SYT9: variants seen among roughly 807,000 people sequenced by gnomAD.
SYT9 encodes the protein synaptotagmin-9.
SYT9 carries 22 observed loss-of-function variants against 48.4 expected under a neutral mutation model. The ratio of observed to expected loss-of-function variants is 0.45; its 90% confidence interval spans 0.32 to 0.65. The LOEUF is 0.65. SYT9 is among the 30% of genes least tolerant of loss of function. The pLI is 0.03. For missense variants in SYT9, 577 were observed against 622.0 expected (o/e 0.93, Z 0.77); for synonymous variants, 265 against 245.0 (o/e 1.08, Z -0.76).
At chr11:7,358,799 T>C (rs902283385) in intron 3 of SYT9, among the ~76,000 whole-genome samples, 1 of 152,140 alleles carries the variant, frequency 6.6e-6, no homozygotes, top group African/African-American at 2.4e-5. Flanking sequence ...TTTGTCATGA[T>C]TTATTATTTT....
intron 6 of SYT9, among the ~76,000 whole-genome samples, chr11:7,464,402 A>G (rs1164734417): frequency 6.6e-6 from 1 of 152,232 alleles, no homozygotes; most frequent in Non-Finnish European, 1.5e-5. Context: ...GGGAATTGAC[A>G]TAATTGCTAA....
intron 6 of SYT9, among the ~76,000 whole-genome samples, chr11:7,424,613 G>A (rs1291198182): frequency 2.0e-5 from 3 of 152,156 alleles, no homozygotes; most frequent in East Asian, 1.9e-4. Context: ...GTGGGAAGAC[G>A]AGACACAGAC....
chr11:7,395,075 G>C (rs1017117920), intron 3 of SYT9, among the ~76,000 whole-genome samples: 59 of 151,918 alleles, frequency 3.9e-4, no homozygotes, highest in African/African-American at 1.4e-3. Context: ...ACATCAGTAG[G>C]TTCTTTAGTG....
At chr11:7,432,567 AAAAAAAAAAAAAAAAATATATATACAT>A (rs1847606413) in intron 6 of SYT9, among the ~76,000 whole-genome samples, 1 of 13,180 alleles carries the variant, frequency 7.6e-5, no homozygotes, top group African/African-American at 3.6e-4. Flanking sequence ...AAAAAAAAAA[AAAAAAAAAAAAAAAAATATATATACAT>A]ATATATATAT....
At chr11:7,359,992 A>C (rs1251535078) in intron 3 of SYT9, among the ~76,000 whole-genome samples, 3 of 151,524 alleles carry the variant, frequency 2.0e-5, no homozygotes, top group Admixed American at 6.6e-5. Context: ...TAGGTCTAAC[A>C]TGTAAGTCTT....
At chr11:7,242,475 C>G (rs1847749683) in intron 1 of SYT9, among the ~76,000 whole-genome samples, 1 of 152,138 alleles carries the variant, frequency 6.6e-6, no homozygotes, top group Non-Finnish European at 1.5e-5. Context: ...CCACCCTCTG[C>G]ATAGGGTTGT....
intron 3 of SYT9, among the ~76,000 whole-genome samples, chr11:7,351,548 G>GGAAA (rs1195032957): frequency 6.6e-6 from 1 of 152,082 alleles, no homozygotes; most frequent in African/African-American, 2.4e-5. Flanking sequence ...GATTTTATGG[G>GGAAA]GAAAGAAAGC....
At chr11:7,302,936 T>C in intron 1 of SYT9, 103 bp from the exon 2 acceptor site, 1 of 1,084,218 alleles carries the variant, frequency 9.2e-7, no homozygotes, top group Admixed American at 2.0e-5. Context: ...CGCAGTCGGC[T>C]CCCAAGGGAT....
At chr11:7,451,977 T>A (rs71472649) in intron 6 of SYT9, among the ~76,000 whole-genome samples, 4,255 of 152,142 alleles carry the variant, frequency 0.028, 68 homozygotes, top group African/African-American at 0.042. Context: ...GAGAAAGAGA[T>A]AGCTAGAAAA....
At chr11:7,413,266 G>T (rs1180440619) in intron 3 of SYT9, among the ~76,000 whole-genome samples, 3 of 152,158 alleles carry the variant, frequency 2.0e-5, no homozygotes, top group African/African-American at 7.2e-5. Context: ...AAAGTATCTG[G>T]CCTCATCTCC....
chr11:7,445,893 A>T (rs1018986344), intron 6 of SYT9, among the ~76,000 whole-genome samples: 1 of 152,244 alleles, frequency 6.6e-6, no homozygotes, highest in Non-Finnish European at 1.5e-5. Flanking sequence ...AGATGGCTGC[A>T]CTAGTCCTCT....
intron 3 of SYT9, among the ~76,000 whole-genome samples, chr11:7,343,868 T>C (rs995988472): frequency 6.6e-5 from 10 of 152,122 alleles, no homozygotes; most frequent in Admixed American, 6.6e-4. Flanking sequence ...AAAAGGCATG[T>C]CTTACATGGT....
At chr11:7,312,015 G>A (rs1225000542) in intron 2 of SYT9, among the ~76,000 whole-genome samples, 2 of 150,606 alleles carry the variant, frequency 1.3e-5, no homozygotes, top group Non-Finnish European at 3.0e-5. Flanking sequence ...TCTCCCTTCA[G>A]CAACTCTCAG....
At chr11:7,354,483 G>A (rs1456928881) in intron 3 of SYT9, among the ~76,000 whole-genome samples, 1 of 152,142 alleles carries the variant, frequency 6.6e-6, no homozygotes, top group Non-Finnish European at 1.5e-5. Flanking sequence ...CAGGCCTGAG[G>A]TAGGGAACAT....
chr11:7,417,816 A>C, intron 4 of SYT9, 141 bp from the exon 5 acceptor site: 1 of 744,294 alleles, frequency 1.3e-6, no homozygotes, highest in Non-Finnish European at 2.1e-6. Context: ...ATATCATATT[A>C]ATGACAGTCC....
intron 1 of SYT9, among the ~76,000 whole-genome samples, chr11:7,293,012 C>T (rs766902847): frequency 2.0e-4 from 30 of 152,158 alleles, no homozygotes; most frequent in Non-Finnish European, 4.0e-4. Flanking sequence ...TATATGGCTC[C>T]AGGCTGTCAG....
At chr11:7,381,877 G>A (rs569333437) in intron 3 of SYT9, among the ~76,000 whole-genome samples, 2 of 152,306 alleles carry the variant, frequency 1.3e-5, no homozygotes, top group African/African-American at 4.8e-5. Context: ...TTCCTACGTG[G>A]TGGATATGAG....
At chr11:7,433,908 A>G (rs1452261265) in intron 6 of SYT9, among the ~76,000 whole-genome samples, 1 of 152,226 alleles carries the variant, frequency 6.6e-6, no homozygotes, top group East Asian at 1.9e-4. Flanking sequence ...GACTGGAGTC[A>G]GAATCACATC....
intron 3 of SYT9, among the ~76,000 whole-genome samples, chr11:7,336,130 G>A (rs180763098): frequency 5.9e-5 from 9 of 151,964 alleles, no homozygotes; most frequent in Non-Finnish European, 1.3e-4. Flanking sequence ...TGTTGGTCAC[G>A]TATCTGTCTT....
Sources: gnomAD v4.1 joint callset for allele counts (sites outside exome capture counted in the v4.1 genomes callset) on GRCh38, gnomAD v4.1.1 for gene constraint, MANE v1.5 for transcripts, NCBI Gene and HGNC (gene_info 2026-07-23, HGNC 2026-07-21) for gene names.